Variants in GRID1 observed in about 807,000 individuals in gnomAD.
The protein encoded by GRID1 is glutamate receptor ionotropic, delta-1.
Under a neutral mutation model 98.0 loss-of-function variants are expected in GRID1, and 28 were observed. The observed-to-expected ratio is 0.29, with a 90% confidence interval of 0.21 to 0.39. The LOEUF is 0.39. Ranked by LOEUF, GRID1 falls within the 10% of genes least tolerant of loss-of-function variation. The probability of loss-of-function intolerance (pLI) is 1.00; values close to 1 mark genes in which losing one functional copy is unlikely to be tolerated. For synonymous variants in GRID1, 553 were observed against 538.5 expected (o/e 1.03, Z -0.37); for missense variants, 1,111 against 1,340.5 (o/e 0.83, Z 2.67).
At chr10:86,284,428 T>C (rs1847400455) in intron 2 of GRID1, among the ~76,000 whole-genome samples, 1 of 152,204 alleles carries the variant, frequency 6.6e-6, no homozygotes, top group Admixed American at 6.5e-5. Flanking sequence ...ACTGAGAGGT[T>C]CCATCTCCAA....
Position 85,726,106 on chromosome 10 carries a change from C to T in GRID1, c.1534-1430G>A, listed in dbSNP as rs185594449. On this transcript the variant is annotated intron_variant, in intron 10 of 15. Transcript: ENST00000327946. ...GTCCTGTGACAGTGGGACAGACTGA[C>T]AGGGGACAGGGGACACTCCCTTCTG... 8.1e-4 allele frequency among the ~76,000 whole-genome samples: 124 copies of T among 152,338 alleles called. 1 individual carries two copies. Among genetic ancestry groups the T allele is most frequent in the African/African-American group, 2.8e-3 (118 of 41,576 alleles).
intron 8 of GRID1, among the ~76,000 whole-genome samples, chr10:85,743,219 T>C (rs996297801): frequency 2.0e-5 from 3 of 147,508 alleles, no homozygotes; most frequent in Non-Finnish European, 4.5e-5. Flanking sequence ...GGGTCCCACA[T>C]GGATCCCATA....
At chr10:86,126,578 C>T in intron 4 of GRID1, among the ~76,000 whole-genome samples, 1 of 152,236 alleles carries the variant, frequency 6.6e-6, no homozygotes, top group East Asian at 1.9e-4. Flanking sequence ...ACACTATTCT[C>T]ATAGTTAATG....
intron 2 of GRID1, among the ~76,000 whole-genome samples, chr10:86,265,006 C>T (rs1215820486): frequency 1.3e-5 from 2 of 152,244 alleles, no homozygotes; most frequent in Non-Finnish European, 2.9e-5. Flanking sequence ...CTTTTCCTTC[C>T]TAGCCACACT....
chr10:86,275,614 G>A (rs1246117370), intron 2 of GRID1, among the ~76,000 whole-genome samples: 2 of 151,912 alleles, frequency 1.3e-5, no homozygotes, highest in Non-Finnish European at 2.9e-5. Context: ...GAAATTCTGG[G>A]GCTAAAAAGT....
intron 12 of GRID1, among the ~76,000 whole-genome samples, chr10:85,685,228 AG>A (rs1841255344): frequency 6.6e-6 from 1 of 152,256 alleles, no homozygotes; most frequent in African/African-American, 2.4e-5. Context: ...TATTCAGAAA[AG>A]TAACTGGATT....
chr10:86,177,740 G>A (rs550541992), intron 3 of GRID1, among the ~76,000 whole-genome samples: 3 of 152,222 alleles, frequency 2.0e-5, no homozygotes, highest in East Asian at 1.9e-4. Context: ...GTGCATGAGC[G>A]AGACAGTGTG....
intron 4 of GRID1, among the ~76,000 whole-genome samples, chr10:86,097,964 A>G (rs1844244862): frequency 6.6e-6 from 1 of 152,254 alleles, no homozygotes; most frequent in Non-Finnish European, 1.5e-5. Flanking sequence ...AGAAAATACA[A>G]TCGAGTGGTT....
Position 85,602,122 on chromosome 10 carries a change from C to T in GRID1, c.*151G>A, listed in dbSNP as rs969060250. 3 of 513,438 alleles carry T rather than the reference C, an allele frequency of 5.8e-6. No homozygotes were observed. Among genetic ancestry groups the T allele is most frequent in the African/African-American group, 5.7e-5 (3 of 52,852 alleles). The allele number at this position is 513,438 out of a possible 1,614,324, so 31.8% of individuals were successfully genotyped here. ...ACACTTTTACCCCACTCCATTCTGT[C>T]ATTATTTACACATATGTACAAGAAA... On this transcript the variant is annotated 3_prime_UTR_variant, in exon 16 of 16. Coordinates refer to ENST00000327946, the MANE Select transcript of GRID1 (RefSeq NM_017551.3).
At chr10:85,824,561 T>A (rs1842801943) in intron 8 of GRID1, among the ~76,000 whole-genome samples, 1 of 152,208 alleles carries the variant, frequency 6.6e-6, no homozygotes, top group Non-Finnish European at 1.5e-5. Flanking sequence ...AAAATTGCAA[T>A]AGCTTTTCAG....
chr10:86,364,194 G>A (rs7089364), intron 1 of GRID1, 98 bp from the exon 2 acceptor site: 199,301 of 981,094 alleles, frequency 0.2, 28,916 homozygotes, highest in African/African-American at 0.59. Context: ...GATGATTGCC[G>A]GGTGGTGGGA....
At chr10:85,743,714 T>A (rs932111822) in intron 8 of GRID1, among the ~76,000 whole-genome samples, 6 of 151,770 alleles carry the variant, frequency 4.0e-5, no homozygotes, top group African/African-American at 1.5e-4. Flanking sequence ...AAAGCCACAA[T>A]TAATTTTGCA....
intron 4 of GRID1, among the ~76,000 whole-genome samples, chr10:85,977,067 G>A (rs2131858688): frequency 6.6e-6 from 1 of 152,306 alleles, no homozygotes; most frequent in Non-Finnish European, 1.5e-5. Context: ...ACCTGTGTAG[G>A]AGCCAGGGCT....
intron 3 of GRID1, among the ~76,000 whole-genome samples, chr10:86,188,341 C>T (rs1450318445): frequency 1.3e-5 from 2 of 152,232 alleles, no homozygotes; most frequent in Admixed American, 1.3e-4. Flanking sequence ...AGGCTCTGCT[C>T]CCTTCAGGGA....
chr10:85,804,762 C>G (rs535316060), intron 8 of GRID1, among the ~76,000 whole-genome samples: 1 of 151,914 alleles, frequency 6.6e-6, no homozygotes, highest in Admixed American at 6.6e-5. Flanking sequence ...AATTGTATTA[C>G]ATTCAAAGCT....
chr10:85,620,593 T>G (rs1301233833), intron 13 of GRID1, among the ~76,000 whole-genome samples: 2 of 152,294 alleles, frequency 1.3e-5, no homozygotes, highest in South Asian at 2.1e-4. Flanking sequence ...CACAAGCACA[T>G]GTCTAGAGCC....
chr10:85,654,030 C>T (rs953154082), intron 12 of GRID1, among the ~76,000 whole-genome samples: 26 of 152,320 alleles, frequency 1.7e-4, no homozygotes, highest in Admixed American at 1.3e-3. Flanking sequence ...GAGTAGTGAG[C>T]AGAGGGACTG....
At chr10:85,920,184 TC>T (rs1841682943) in intron 4 of GRID1, among the ~76,000 whole-genome samples, 1 of 152,092 alleles carries the variant, frequency 6.6e-6, no homozygotes. Flanking sequence ...TTTTTTTAAG[TC>T]CCCATAATTT....
intron 8 of GRID1, among the ~76,000 whole-genome samples, chr10:85,783,608 T>C (rs1842399918): frequency 6.6e-6 from 1 of 152,176 alleles, no homozygotes; most frequent in African/African-American, 2.4e-5. Context: ...CATACCTTTG[T>C]AGGAGCCAAG....
Sources: gnomAD v4.1 joint callset for allele counts (sites outside exome capture counted in the v4.1 genomes callset) on GRCh38, gnomAD v4.1.1 for gene constraint, MANE v1.5 for transcripts, NCBI Gene and HGNC (gene_info 2026-07-23, HGNC 2026-07-21) for gene names.